SLU7: variants seen among roughly 807,000 people sequenced by gnomAD.
SLU7 encodes spliceosome associated SLU7, also known as pre-mRNA-splicing factor SLU7.
In SLU7, 60 loss-of-function variants were observed where a neutral mutation model predicts 87.0. The ratio of observed to expected loss-of-function variants is 0.69; its 90% CI spans 0.56 to 0.86. The LOEUF is 0.86. Ranked by LOEUF, SLU7 falls within the 40% of genes least tolerant of loss-of-function variation. The pLI is 0.00. For missense variants in SLU7, 507 were observed against 686.6 expected (o/e 0.74, Z 2.92); for synonymous variants, 197 against 222.0 (o/e 0.89, Z 1.00).
intron 12 of SLU7, among the ~76,000 whole-genome samples, chr5:160,406,155 C>T (rs1765000053): frequency 6.6e-6 from 1 of 152,030 alleles, no homozygotes; most frequent in Non-Finnish European, 1.5e-5. Context: ...TAAATATATA[C>T]ATAAACTATA....
intron 11 of SLU7, 92 bp from the exon 12 acceptor site, chr5:160,406,721 G>T: frequency 9.4e-7 from 1 of 1,062,816 alleles, no homozygotes; most frequent in Non-Finnish European, 1.3e-6. Context: ...AGAAAGAAAG[G>T]GAACATTCTT....
chr5:160,413,414 C>T (rs535244044), intron 5 of SLU7, 42 bp downstream of exon 5: 15 of 1,582,858 alleles, frequency 9.5e-6, no homozygotes, highest in East Asian at 4.5e-5. Flanking sequence ...AGCAAAAGGA[C>T]GATTCTTTAA....
intron 6 of SLU7, among the ~76,000 whole-genome samples, chr5:160,411,342 C>T (rs1399582260): frequency 1.3e-5 from 2 of 152,076 alleles, no homozygotes; most frequent in South Asian, 2.1e-4. Context: ...AGCGATTCTC[C>T]CGAGTAGCTG....
rs117163109 is a variant in SLU7 at position 160,406,384 on chromosome 5, G to A, written c.1287+84C>T. 1,814 of 986,604 alleles carry A rather than the reference G, an allele frequency of 1.8e-3. 43 individuals carry two copies. The East Asian group carries it at 0.045, about 24-fold the overall frequency. The allele number at this position is 986,604 out of a possible 1,614,324, so 61.1% of individuals were successfully genotyped here. On this transcript the variant is annotated intron_variant, in intron 12 of 15. Coordinates refer to ENST00000297151, the MANE Select transcript of SLU7 (RefSeq NM_006425.5). ...TTTTTAAAGCATAGAGAATACAAAT[G>A]GTTAGCTAATAAAGTTGTAGTGGAA...
chr5:160,404,752 GTT>G, intron 14 of SLU7, 55 bp downstream of exon 14: 1 of 1,245,216 alleles, frequency 8.0e-7, no homozygotes, highest in South Asian at 1.3e-5. Flanking sequence ...TCAGGTGCAG[GTT>G]TTAAAGCCCT....
At chr5:160,406,077 A>T (rs1764997510) in intron 12 of SLU7, among the ~76,000 whole-genome samples, 1 of 152,216 alleles carries the variant, frequency 6.6e-6, no homozygotes. Flanking sequence ...CATTTTAAGG[A>T]GATATGTGAT....
In SLU7 at chr5:160,404,776, T is replaced by C. The variant is rs533802679; in HGVS notation, c.1464+33A>G. On this transcript the variant is annotated intron_variant, in intron 14 of 15. Transcript: ENST00000297151. ...GGTTTTAAAGCCCTCCCTCCAGGAC[T>C]TAAAAATTCAGGACAAATGATTATC... is the stretch of plus-strand genomic sequence containing the variant. 4.9e-4 allele frequency: 722 copies of C among 1,487,850 alleles called. 5 individuals carry two copies. In the Admixed American group the frequency reaches 4.9e-3, roughly 10 times the overall value. 92.2% of individuals were successfully genotyped at this position (1,487,850 alleles called of 1,614,324 possible). A position where few individuals can be genotyped will look rare whatever the true frequency, so the allele number is the denominator to read the frequency against.
chr5:160,413,021 T>C (rs1157115604), intron 5 of SLU7, among the ~76,000 whole-genome samples: 3 of 152,072 alleles, frequency 2.0e-5, no homozygotes, highest in African/African-American at 7.2e-5. Context: ...AAAACTGAAG[T>C]TGGGTTAAAA....
intron 3 of SLU7, 71 bp from the exon 4 acceptor site, chr5:160,414,050 AC>A (rs1176087342): frequency 1.0e-6 from 1 of 965,294 alleles, no homozygotes; most frequent in African/African-American, 1.7e-5. Context: ...GACTCTCATT[AC>A]TATTTTGTCT....
In SLU7 at chr5:160,404,812, C is replaced by T. The variant is rs1581060082; in HGVS notation, c.1461G>A (p.Met487Ile). 1.9e-6 allele frequency: 3 copies of T among 1,602,224 alleles called. No homozygotes were observed. The highest frequency in any genetic ancestry group is 2.7e-5 in the African/African-American group (2 of 74,800). ...EESVKKPQTL[M>I]ELHQEKLKEE... ...GGACAAATGATTATCAACTTACCTC[C>T]ATGAGGGTTTGAGGTTTTTTCACAG... Residue 487 changes from methionine (M) to isoleucine (I), a missense_variant, in exon 14 of 16, where the codon ATG becomes ATA. This residue lies in a region of SLU7 where 201 missense variants were observed against 213.4 expected (regional missense o/e 0.94). Transcript: ENST00000297151.
intron 1 of SLU7, 112 bp from the exon 2 acceptor site, chr5:160,415,422 A>G (rs1399887733): frequency 1.3e-6 from 1 of 743,926 alleles, no homozygotes; most frequent in Non-Finnish European, 2.0e-6. Flanking sequence ...TTTTTCTCCT[A>G]TATTATGTGT....
At chr5:160,408,489 G>T in intron 7 of SLU7, 29 bp from the exon 8 acceptor site, 4 of 1,575,996 alleles carry the variant, frequency 2.5e-6, no homozygotes, top group Non-Finnish European at 2.6e-6. Flanking sequence ...GGAAAAGTAA[G>T]AAGAAAAGAA....
chr5:160,406,810 G>A (rs1000419052), intron 11 of SLU7, among the ~76,000 whole-genome samples, 181 bp from the exon 12 acceptor site: 1 of 152,172 alleles, frequency 6.6e-6, no homozygotes, highest in Non-Finnish European at 1.5e-5. Flanking sequence ...AGATGTCTCA[G>A]TTGCTATTCA....
intron 14 of SLU7, 32 bp from the exon 15 acceptor site, chr5:160,404,588 A>C (rs759797293): frequency 7.0e-7 from 1 of 1,425,780 alleles, no homozygotes; most frequent in Non-Finnish European, 9.8e-7. Context: ...CAGTGTTATT[A>C]ATGTGAAAAC....
intron 5 of SLU7, 59 bp from the exon 6 acceptor site, chr5:160,412,578 C>T (rs1276840030): frequency 1.9e-6 from 2 of 1,039,376 alleles, no homozygotes; most frequent in East Asian, 2.8e-5. Context: ...ATTTTACTTA[C>T]AACATTCAAG....
At chr5:160,415,091 A>T (rs1765395298) in intron 2 of SLU7, 34 bp downstream of exon 2, 1 of 1,509,450 alleles carries the variant, frequency 6.6e-7, no homozygotes. Context: ...TTGAATTCTG[A>T]ATGAATGGAT....
Position 160,403,351 on chromosome 5 carries a change from T to G in SLU7, c.1695A>C (p.Glu565Asp). 6.2e-7 allele frequency: 1 copy of G among 1,613,502 alleles called. No homozygotes were observed. The highest frequency in any genetic ancestry group is 8.5e-7 in the Non-Finnish European group (1 of 1,179,776). ...GACGTTTCATTCTATATGCCTCCATTTCCTCTTCAGTAGGTTCTCGAGTTT... is the reference window on the plus strand; with the variant it reads ...GACGTTTCATTCTATATGCCTCCATGTCCTCTTCAGTAGGTTCTCGAGTTT... ...MYETREPTEE[E>D]MEAYRMKRQR... Residue 565 changes from glutamate to aspartate, a missense_variant, in exon 16 of 16, where the codon GAA becomes GAC. By Grantham distance (45) the Glu-to-Asp change is conservative. Coordinates refer to ENST00000297151, the MANE Select transcript of SLU7 (RefSeq NM_006425.5).
Position 160,406,562 on chromosome 5 carries a change from A to G in SLU7, c.1193T>C (p.Val398Ala), listed in dbSNP as rs1398136449. The G allele has an allele frequency of 6.2e-7, 1 of 1,613,652 alleles. No homozygotes were observed. The highest frequency in any genetic ancestry group is 8.5e-7 in the Non-Finnish European group (1 of 1,179,670). ...GACTGTCCCATGTCTTGAGTACTCCACATAGTCTTCAGTCTGGGCTAAAAG... is the reference window on the plus strand; with the variant it reads ...GACTGTCCCATGTCTTGAGTACTCCGCATAGTCTTCAGTCTGGGCTAAAAG... ...ELLLAQTEDY[V>A]EYSRHGTVIK... Residue 398 changes from valine to alanine, a missense_variant, in exon 12 of 16, where the codon GTG becomes GCG. Physicochemically the swap from Val to Ala is moderately conservative, Grantham distance 64. Transcript: ENST00000297151.
intron 5 of SLU7, 49 bp from the exon 6 acceptor site, chr5:160,412,568 AT>A (rs770101723): frequency 8.3e-7 from 1 of 1,210,580 alleles, no homozygotes; most frequent in South Asian, 1.4e-5. Context: ...AAACATTTAA[AT>A]TTTACTTACA....
Sources: gnomAD v4.1 joint callset for allele counts (sites outside exome capture counted in the v4.1 genomes callset) on GRCh38, gnomAD v4.1.1 for gene constraint, gnomAD v4.1.1 regional missense constraint, MANE v1.5 for transcripts, NCBI Gene and HGNC (gene_info 2026-07-23, HGNC 2026-07-21) for gene names.